The following FAM169A variants were observed in gnomAD, a reference collection of about 807,000 sequenced individuals.
FAM169A encodes family with sequence similarity 169 member A.
In FAM169A, 24 loss-of-function variants were observed where a neutral mutation model predicts 75.7. The ratio of observed to expected loss-of-function variants is 0.32; its 90% CI spans 0.23 to 0.45. The LOEUF (loss-of-function observed/expected upper bound fraction) is 0.45, where lower values mean the gene tolerates loss of function less well. Among genes scored for constraint, FAM169A ranks in the 20% least tolerant of loss-of-function variants. The pLI is 1.00. For missense variants in FAM169A, 673 were observed against 784.0 expected, an observed-to-expected ratio of 0.86 and a Z score of 1.69; for synonymous variants, 271 against 271.0, an observed-to-expected ratio of 1.00 and a Z score of 0.00.
At chr5:74,824,381 G>A (rs982563390) in intron 5 of FAM169A, among the ~76,000 whole-genome samples, 2 of 152,120 alleles carry the variant, frequency 1.3e-5, no homozygotes, top group African/African-American at 4.8e-5. Flanking sequence ...TCTTGATATA[G>A]GCCAAAAGTC....
intron 5 of FAM169A, among the ~76,000 whole-genome samples, chr5:74,830,744 C>G (rs962292780): frequency 2.0e-5 from 3 of 151,858 alleles, no homozygotes; most frequent in African/African-American, 7.3e-5. Flanking sequence ...CAAGATAATG[C>G]CCAAACTTGA....
intron 1 of FAM169A, among the ~76,000 whole-genome samples, chr5:74,855,667 T>C (rs1428897263): frequency 1.3e-5 from 2 of 152,252 alleles, no homozygotes; most frequent in Non-Finnish European, 2.9e-5. Context: ...TCTGAGTTCC[T>C]TATATATTCT....
At chr5:74,795,754 T>G (rs1164542763) in intron 11 of FAM169A, among the ~76,000 whole-genome samples, 1 of 152,218 alleles carries the variant, frequency 6.6e-6, no homozygotes, top group African/African-American at 2.4e-5. Flanking sequence ...AACTTATACT[T>G]TAAATGCACC....
At chr5:74,816,957 G>A (rs1747502136) in intron 5 of FAM169A, among the ~76,000 whole-genome samples, 2 of 152,180 alleles carry the variant, frequency 1.3e-5, no homozygotes, top group Admixed American at 1.3e-4. Flanking sequence ...TCATCTGAAT[G>A]TAAATAAAAC....
chr5:74,855,801 T>C (rs1366312588), intron 1 of FAM169A, among the ~76,000 whole-genome samples: 1 of 152,258 alleles, frequency 6.6e-6, no homozygotes. Flanking sequence ...ATCCCACTTA[T>C]CCATTTCTGC....
chr5:74,821,527 A>G (rs1357116432), intron 5 of FAM169A, among the ~76,000 whole-genome samples: 1 of 152,198 alleles, frequency 6.6e-6, no homozygotes, highest in Non-Finnish European at 1.5e-5. Flanking sequence ...TCAGATTCAG[A>G]TTATTCAGAA....
intron 5 of FAM169A, among the ~76,000 whole-genome samples, 165 bp from the exon 6 acceptor site, chr5:74,814,184 A>G (rs992409300): frequency 1.3e-5 from 2 of 152,208 alleles, no homozygotes; most frequent in Admixed American, 1.3e-4. Context: ...ACTATTAGAC[A>G]TTATAATGTA....
chr5:74,801,072 A>G (rs1410873110), intron 9 of FAM169A, 42 bp from the exon 10 acceptor site: 2 of 1,433,522 alleles, frequency 1.4e-6, no homozygotes, highest in Non-Finnish European at 1.9e-6. Context: ...TTGATTATAT[A>G]TTAAAAGGAC....
At chr5:74,811,826 C>CACA (rs1192793450) in intron 6 of FAM169A, among the ~76,000 whole-genome samples, 2 of 152,176 alleles carry the variant, frequency 1.3e-5, no homozygotes, top group Non-Finnish European at 2.9e-5. Context: ...GGATGAATCT[C>CACA]ACAAATATAA....
intron 11 of FAM169A, among the ~76,000 whole-genome samples, chr5:74,784,483 CAAG>C: frequency 9.2e-6 from 1 of 108,798 alleles, no homozygotes; most frequent in East Asian, 2.7e-4. Context: ...GCAGTCCAGC[CAAG>C]GGAGACAGAG....
chr5:74,816,660 G>A (rs977179018), intron 5 of FAM169A, among the ~76,000 whole-genome samples: 1 of 152,104 alleles, frequency 6.6e-6, no homozygotes, highest in African/African-American at 2.4e-5. Flanking sequence ...TATTATCAGG[G>A]ACTTTTAAGA....
chr5:74,789,467 T>G (rs891932377), intron 11 of FAM169A, among the ~76,000 whole-genome samples: 6 of 152,310 alleles, frequency 3.9e-5, no homozygotes, highest in African/African-American at 1.2e-4. Flanking sequence ...AACAAATTCC[T>G]CATTTGGTTG....
chr5:74,863,240 A>C (rs888684049), intron 1 of FAM169A, among the ~76,000 whole-genome samples: 1 of 152,076 alleles, frequency 6.6e-6, no homozygotes, highest in Non-Finnish European at 1.5e-5. Flanking sequence ...AAATCATCAC[A>C]CCTTTTCCTT....
chr5:74,857,108 CAAA>C (rs772315121), intron 1 of FAM169A, among the ~76,000 whole-genome samples: 2 of 67,896 alleles, frequency 2.9e-5, no homozygotes, highest in African/African-American at 5.6e-5. Context: ...GACTCCACCT[CAAA>C]AAAAAAAAAA....
At position 74,783,793 on chromosome 5, in the gene FAM169A, T is replaced by C. The variant is rs113015019; in HGVS notation, c.1261-659A>G. Among the ~76,000 whole-genome samples, 280 of 152,332 alleles carry C rather than the reference T, an allele frequency of 1.8e-3. 2 individuals are homozygous for C. The highest frequency in any genetic ancestry group is 6.3e-3 in the African/African-American group (261 of 41,568). On this transcript the variant is annotated intron_variant, in intron 11 of 12. Transcript: ENST00000687041. ...CCCAATGTTTATCCATTTACTTCTA[T>C]TTAATATCAAGTATTTCTAATCCTG...
At chr5:74,860,031 G>A (rs1749953881) in intron 1 of FAM169A, among the ~76,000 whole-genome samples, 1 of 152,046 alleles carries the variant, frequency 6.6e-6, no homozygotes, top group South Asian at 2.1e-4. Flanking sequence ...ATCACATTGA[G>A]GTAATTCTGT....
intron 10 of FAM169A, among the ~76,000 whole-genome samples, chr5:74,797,674 A>C (rs1213705819): frequency 6.6e-6 from 1 of 152,204 alleles, no homozygotes; most frequent in Non-Finnish European, 1.5e-5. Context: ...CCATACTTCA[A>C]GTGTTCAATG....
At chr5:74,787,239 C>T (rs573839305) in intron 11 of FAM169A, among the ~76,000 whole-genome samples, 8 of 152,136 alleles carry the variant, frequency 5.3e-5, no homozygotes, top group African/African-American at 7.2e-5. Flanking sequence ...TTTATTGATT[C>T]GGGCCCACTA....
rs1399050265 is a variant in FAM169A, at chr5:74,779,312, C to T, written c.*2148G>A. 1 of 152,118 alleles carries T rather than the reference C, an allele frequency of 6.6e-6. No homozygotes were observed. Among genetic ancestry groups the T allele is most frequent in the Non-Finnish European group, 1.5e-5 (1 of 67,990 alleles). 9.4% of individuals were successfully genotyped at this position (152,118 alleles called of 1,614,324 possible). On this transcript the variant is annotated 3_prime_UTR_variant, in exon 13 of 13. Transcript: ENST00000687041. ...CTTGTCTAAAGAAAGTCTTTTAGTG[C>T]TCACTTCGGCAGCACATATACTAAA...
Sources: gnomAD v4.1 joint callset for allele counts (sites outside exome capture counted in the v4.1 genomes callset) on GRCh38, gnomAD v4.1.1 for gene constraint, MANE v1.5 for transcripts, NCBI Gene and HGNC (gene_info 2026-07-23, HGNC 2026-07-21) for gene names.